PPARGC1A: variants seen among roughly 807,000 people sequenced by gnomAD.
PPARGC1A encodes the protein peroxisome proliferator-activated receptor gamma coactivator 1-alpha.
PPARGC1A carries 25 observed loss-of-function variants against 88.7 expected under a neutral mutation model. That is an observed-to-expected ratio of 0.28 (90% CI 0.21 to 0.39). PPARGC1A has a LOEUF of 0.39. PPARGC1A is among the 10% of genes least tolerant of loss of function. The pLI is 1.00. For missense variants in PPARGC1A, 880 were observed against 968.7 expected, an observed-to-expected ratio of 0.91 and a Z score of 1.22; for synonymous variants, 363 against 355.6, an observed-to-expected ratio of 1.02 and a Z score of -0.24.
chr4:24,380,551 A>G, the PPARGC1A span, among the ~76,000 whole-genome samples: 1 of 152,088 alleles, frequency 6.6e-6, no homozygotes, highest in African/African-American at 2.4e-5. Context: ...GAAAGTAGTA[A>G]AATTAGCGGA....
upstream of PPARGC1A, among the ~76,000 whole-genome samples, chr4:23,905,100 A>G (rs545433153): frequency 1.3e-5 from 2 of 152,272 alleles, no homozygotes; most frequent in Non-Finnish European, 2.9e-5. Context: ...TTCAGAATCT[A>G]TTTTGGAAAG....
chr4:24,263,291 T>C, the PPARGC1A span, among the ~76,000 whole-genome samples: 1 of 152,140 alleles, frequency 6.6e-6, no homozygotes, highest in Non-Finnish European at 1.5e-5. Context: ...CCAATGGTGA[T>C]AAAACAAAGC....
the PPARGC1A span, among the ~76,000 whole-genome samples, chr4:24,256,873 C>T: frequency 6.6e-6 from 1 of 152,100 alleles, no homozygotes; most frequent in Non-Finnish European, 1.5e-5. Flanking sequence ...AAGATAGATT[C>T]TCAGTGCTGC....
At chr4:23,873,110 A>C (rs1713792719) in intron 2 of PPARGC1A, among the ~76,000 whole-genome samples, 1 of 151,532 alleles carries the variant, frequency 6.6e-6, no homozygotes, top group Non-Finnish European at 1.5e-5. Context: ...AGGCAGAAGA[A>C]TGGCATGAAC....
At chr4:24,412,514 C>T in the PPARGC1A span, among the ~76,000 whole-genome samples, 1 of 152,146 alleles carries the variant, frequency 6.6e-6, no homozygotes, top group Non-Finnish European at 1.5e-5. Flanking sequence ...GAGTCTCACT[C>T]TTGTTGCCCA....
chr4:24,352,919 A>G, the PPARGC1A span, among the ~76,000 whole-genome samples: 1 of 152,276 alleles, frequency 6.6e-6, no homozygotes, highest in East Asian at 1.9e-4. Flanking sequence ...TCCTGTCTGG[A>G]GTTCCCTACC....
chr4:23,895,159 G>GAA (rs773200297), intron 1 of PPARGC1A, among the ~76,000 whole-genome samples: 906 of 53,582 alleles, frequency 0.017, 20 homozygotes, highest in African/African-American at 0.052. Context: ...TTGTTTAACT[G>GAA]AAAAAAAAAA....
chr4:23,854,043 A>G lies in PPARGC1A; in HGVS notation c.235-22292T>C, dbSNP rs576456999. On this transcript the variant is annotated intron_variant, in intron 2 of 12. Transcript: ENST00000264867. ...AAGTGCTTAGAATACTGCCTGGCACATAGAAACCCTCAATAAATATTAGCT... is the reference window on the plus strand; with the variant it reads ...AAGTGCTTAGAATACTGCCTGGCACGTAGAAACCCTCAATAAATATTAGCT... 5.5e-4 allele frequency among the ~76,000 whole-genome samples: 84 copies of G among 152,330 alleles called. 1 individual carries two copies. The South Asian group carries it at 0.017, about 30-fold the overall frequency.
chr4:24,172,113 T>TA, the PPARGC1A span, among the ~76,000 whole-genome samples: 1 of 152,122 alleles, frequency 6.6e-6, no homozygotes, highest in Non-Finnish European at 1.5e-5. Context: ...TACCATCTAG[T>TA]ATTACCAAAG....
the PPARGC1A span, among the ~76,000 whole-genome samples, chr4:24,236,237 G>A: frequency 6.6e-6 from 1 of 152,122 alleles, no homozygotes; most frequent in Non-Finnish European, 1.5e-5. Context: ...TGCTGGGTGG[G>A]TCTTTGGGAG....
the PPARGC1A span, among the ~76,000 whole-genome samples, chr4:24,067,490 T>C: frequency 6.6e-6 from 1 of 152,160 alleles, no homozygotes; most frequent in African/African-American, 2.4e-5. Context: ...ATTCCGCGTA[T>C]GCTCAAAAGG....
At chr4:24,217,807 AAATAAT>A in the PPARGC1A span, among the ~76,000 whole-genome samples, 1 of 152,058 alleles carries the variant, frequency 6.6e-6, no homozygotes, top group African/African-American at 2.4e-5. Context: ...CATCATGAAA[AAATAAT>A]AATAATAAAA....
the PPARGC1A span, among the ~76,000 whole-genome samples, chr4:23,923,116 G>GTTTTTTTTTTTTTT: frequency 2.3e-5 from 3 of 131,688 alleles, no homozygotes; most frequent in Non-Finnish European, 3.3e-5. Context: ...TTTGTTGCTT[G>GTTTTTTTTTTTTTT]TTTTTTTTTT....
At chr4:24,177,497 A>G in the PPARGC1A span, among the ~76,000 whole-genome samples, 1 of 152,016 alleles carries the variant, frequency 6.6e-6, no homozygotes, top group African/African-American at 2.4e-5. Flanking sequence ...GGATAGCATT[A>G]GGAGATATAC....
At chr4:24,008,379 A>C in the PPARGC1A span, among the ~76,000 whole-genome samples, 1 of 152,156 alleles carries the variant, frequency 6.6e-6, no homozygotes, top group Admixed American at 6.5e-5. Context: ...TTGACTTACA[A>C]ACTGATCTTA....
the PPARGC1A span, among the ~76,000 whole-genome samples, chr4:24,212,541 AT>A: frequency 1.3e-5 from 2 of 152,232 alleles, no homozygotes; most frequent in Non-Finnish European, 2.9e-5. Flanking sequence ...CTAAGTATTT[AT>A]AACAATGCCT....
the PPARGC1A span, among the ~76,000 whole-genome samples, chr4:23,938,603 G>A: frequency 1.3e-5 from 2 of 152,190 alleles, no homozygotes; most frequent in Non-Finnish European, 2.9e-5. Flanking sequence ...GATTCACAGT[G>A]TAAAGCACCA....
chr4:24,044,835 G>A, the PPARGC1A span, among the ~76,000 whole-genome samples: 2 of 152,138 alleles, frequency 1.3e-5, no homozygotes, highest in East Asian at 1.9e-4. Flanking sequence ...TTTTAAGTGG[G>A]CAACAGTCCT....
intron 2 of PPARGC1A, among the ~76,000 whole-genome samples, chr4:23,857,032 C>A (rs1215574270): frequency 6.6e-6 from 1 of 152,116 alleles, no homozygotes; most frequent in Non-Finnish European, 1.5e-5. Flanking sequence ...ATTATTTCTA[C>A]ATATATTATT....
Sources: gnomAD v4.1 joint callset for allele counts (sites outside exome capture counted in the v4.1 genomes callset) on GRCh38, gnomAD v4.1.1 for gene constraint, MANE v1.5 for transcripts, NCBI Gene and HGNC (gene_info 2026-07-23, HGNC 2026-07-21) for gene names.